Variants in CYYR1 observed in about 807,000 individuals in gnomAD.
CYYR1 encodes cysteine and tyrosine-rich protein 1.
Under a neutral mutation model 15.2 loss-of-function variants are expected in CYYR1, and 14 were observed. The observed-to-expected ratio is 0.92, with a 90% confidence interval of 0.61 to 1.44. The LOEUF is 1.44. CYYR1 is among the 40% of genes most tolerant of loss of function. The pLI, the probability that CYYR1 is intolerant of heterozygous loss-of-function variation, is 0.00. For synonymous variants in CYYR1, 80 were observed against 77.4 expected (o/e 1.03, Z -0.18); for missense variants, 228 against 209.5 (o/e 1.09, Z -0.54).
chr21:26,555,377 G>A (rs976878329), intron 2 of CYYR1, among the ~76,000 whole-genome samples: 3 of 152,170 alleles, frequency 2.0e-5, no homozygotes, highest in African/African-American at 4.8e-5. Context: ...TATCCACACA[G>A]TAGAGTTGGC....
intron 3 of CYYR1, among the ~76,000 whole-genome samples, chr21:26,479,670 T>A (rs6516734): frequency 0.35 from 53,394 of 150,940 alleles, 9,514 homozygotes; most frequent in South Asian, 0.4. Flanking sequence ...TTGTTGAAAT[T>A]TTTTTTTTCT....
At chr21:26,471,612 C>T (rs1056061523) in intron 3 of CYYR1, 4 of 152,184 alleles carry the variant, frequency 2.6e-5, no homozygotes, top group Non-Finnish European at 5.9e-5. Context: ...ATATCAGCCA[C>T]TGGAAGACAT....
intron 3 of CYYR1, chr21:26,478,056 G>A: frequency 6.5e-7 from 1 of 1,549,018 alleles, no homozygotes; most frequent in East Asian, 2.4e-5. Flanking sequence ...TGCCCATTAT[G>A]TACCAGGCCT....
intron 2 of CYYR1, among the ~76,000 whole-genome samples, chr21:26,533,178 T>A (rs1284177895): frequency 1.3e-5 from 2 of 149,482 alleles, no homozygotes; most frequent in East Asian, 1.9e-4. Flanking sequence ...CTATTTACTA[T>A]AGTAAATACA....
At chr21:26,533,058 C>A (rs2065952287) in intron 2 of CYYR1, among the ~76,000 whole-genome samples, 1 of 151,660 alleles carries the variant, frequency 6.6e-6, no homozygotes, top group East Asian at 1.9e-4. Context: ...CTTCTGGTCC[C>A]ATGCATTTTG....
chr21:26,469,966 C>T (rs978917170), intron 3 of CYYR1, among the ~76,000 whole-genome samples: 1 of 152,134 alleles, frequency 6.6e-6, no homozygotes, highest in African/African-American at 2.4e-5. Context: ...GAGCAACTCC[C>T]TCAGCAACCA....
chr21:26,555,940 T>C (rs1979744237), intron 2 of CYYR1, among the ~76,000 whole-genome samples: 1 of 152,206 alleles, frequency 6.6e-6, no homozygotes, highest in Non-Finnish European at 1.5e-5. Flanking sequence ...CAGGAGCCTG[T>C]TGTCTTAACA....
chr21:26,559,316 A>C (rs1306171730), intron 2 of CYYR1, among the ~76,000 whole-genome samples: 1 of 152,198 alleles, frequency 6.6e-6, no homozygotes, highest in Non-Finnish European at 1.5e-5. Context: ...CATTGCGGAT[A>C]CTAATCTCCT....
intron 2 of CYYR1, chr21:26,550,209 G>A (rs1321289418): frequency 6.6e-6 from 1 of 151,704 alleles, no homozygotes; most frequent in African/African-American, 2.4e-5. Context: ...AATTACTTTC[G>A]GCCACCACAA....
At chr21:26,517,054 G>T (rs1037608067) in intron 2 of CYYR1, among the ~76,000 whole-genome samples, 4 of 136,958 alleles carry the variant, frequency 2.9e-5, no homozygotes, top group African/African-American at 1.1e-4. Context: ...GGCGGAGCTT[G>T]CAGTGAGCCG....
rs2065477238 is a variant in CYYR1, at chr21:26,501,206, C to CGG, written c.177-20778_177-20777insCC. ...TACAAAAATTAGCTGGGCGTGGTGG[C>CGG]ACATGCCTGCAATCCTAGCTACTCG... On this transcript the variant is annotated intron_variant, in intron 2 of 3. Coordinates refer to ENST00000652641, the MANE Select transcript of CYYR1 (RefSeq NM_001320768.2). 3.3e-5 allele frequency among the ~76,000 whole-genome samples: 5 copies of CGG among 152,266 alleles called. No individual in the cohort carries two copies. The South Asian group carries it at 1.0e-3, about 32-fold the overall frequency.
intron 2 of CYYR1, among the ~76,000 whole-genome samples, chr21:26,559,614 C>G (rs931122203): frequency 5.3e-5 from 8 of 151,902 alleles, no homozygotes; most frequent in African/African-American, 1.5e-4. Flanking sequence ...CATATTTAGT[C>G]TGATAAGAGT....
chr21:26,527,775 G>A (rs7282149), intron 2 of CYYR1, among the ~76,000 whole-genome samples: 48,219 of 151,916 alleles, frequency 0.32, 8,599 homozygotes, highest in East Asian at 0.58. Flanking sequence ...TATAGGTCCC[G>A]GGAGAATATT....
At chr21:26,520,796 C>T (rs2065794194) in intron 2 of CYYR1, among the ~76,000 whole-genome samples, 1 of 152,108 alleles carries the variant, frequency 6.6e-6, no homozygotes, top group East Asian at 1.9e-4. Context: ...ATGGTATCTC[C>T]TTGTGGTTTT....
intron 2 of CYYR1, among the ~76,000 whole-genome samples, chr21:26,507,049 G>A (rs1601767782): frequency 6.6e-6 from 1 of 152,284 alleles, no homozygotes; most frequent in African/African-American, 2.4e-5. Flanking sequence ...AGCTGTGAAA[G>A]CCCTCAGCCC....
intron 2 of CYYR1, among the ~76,000 whole-genome samples, chr21:26,537,192 C>T (rs774872183): frequency 2.6e-5 from 4 of 152,082 alleles, no homozygotes; most frequent in East Asian, 1.9e-4. Flanking sequence ...TGCAGGGACT[C>T]GGAGACTCTG....
chr21:26,468,750 C>A, intron 3 of CYYR1, 116 bp from the exon 4 acceptor site: 1 of 773,068 alleles, frequency 1.3e-6, no homozygotes, highest in Admixed American at 2.6e-5. Context: ...CTGCAAAAAT[C>A]TTAGTTTTAT....
In CYYR1 at chr21:26,478,123, T is replaced by C. The variant is rs929993540; in HGVS notation, c.334+2149A>G. 19 of 1,549,458 alleles carry C rather than the reference T, an allele frequency of 1.2e-5. No individual in the cohort carries two copies. In the African/African-American group the frequency reaches 1.8e-4, roughly 15 times the overall value. On this transcript the variant is annotated intron_variant, in intron 3 of 3. Coordinates refer to ENST00000652641, the MANE Select transcript of CYYR1 (RefSeq NM_001320768.2). ...AAAATAGACCAAGATCTCTGCCTCATGGAGTTCATATTCTAGGAAGAGGAA... is the reference window on the plus strand; with the variant it reads ...AAAATAGACCAAGATCTCTGCCTCACGGAGTTCATATTCTAGGAAGAGGAA...
intron 3 of CYYR1, among the ~76,000 whole-genome samples, chr21:26,479,851 G>C (rs768638616): frequency 1.3e-5 from 2 of 151,938 alleles, no homozygotes; most frequent in African/African-American, 4.8e-5. Flanking sequence ...CTGTTCTCTC[G>C]ACCTAATGAA....
Sources: gnomAD v4.1 joint callset for allele counts (sites outside exome capture counted in the v4.1 genomes callset) on GRCh38, gnomAD v4.1.1 for gene constraint, MANE v1.5 for transcripts, NCBI Gene and HGNC (gene_info 2026-07-23, HGNC 2026-07-21) for gene names.